ZNF582: variants seen among roughly 807,000 people sequenced by gnomAD.
ZNF582 encodes zinc finger protein 582.
In ZNF582, 14 loss-of-function variants were observed where a neutral mutation model predicts 12.3. The observed-to-expected ratio is 1.14, with a 90% CI of 0.75 to 1.78. ZNF582 has a LOEUF of 1.78. Ranked by LOEUF, ZNF582 falls within the 40% of genes most tolerant of loss-of-function variation. The probability of loss-of-function intolerance (pLI) is 0.00; values close to 1 mark genes in which losing one functional copy is unlikely to be tolerated. For missense variants in ZNF582, 567 were observed against 616.5 expected (o/e 0.92, Z 0.85); for synonymous variants, 210 against 207.2 (o/e 1.01, Z -0.11).
chr19:56,384,615 A>G (rs1433862186), exon 5 of ZNF582: 11 of 1,613,966 alleles, frequency 6.8e-6, no homozygotes, highest in Non-Finnish European at 9.3e-6. Flanking sequence ...ATCAACTGTG[A>G]GCTTCGACTA....
At chr19:56,392,291 C>G (rs1015463794) in intron 1 of ZNF582, among the ~76,000 whole-genome samples, 10 of 152,234 alleles carry the variant, frequency 6.6e-5, no homozygotes, top group Non-Finnish European at 1.2e-4. Context: ...TTTTCCCAAC[C>G]GCCAAATATA....
At chr19:56,384,403 G>C (rs536191647) in exon 5 of ZNF582, 1 of 1,602,624 alleles carries the variant, frequency 6.2e-7, no homozygotes, top group East Asian at 2.2e-5. Context: ...TACATTCATA[G>C]AGTTTCCTGC....
exon 5 of ZNF582, chr19:56,383,063 T>C (rs1043021011): frequency 3.9e-5 from 6 of 152,224 alleles, no homozygotes; most frequent in African/African-American, 1.2e-4. Context: ...CATACTGTGC[T>C]GCACAGGAGA....
exon 5 of ZNF582, chr19:56,384,142 A>G: frequency 6.2e-7 from 1 of 1,612,836 alleles, no homozygotes; most frequent in Admixed American, 1.7e-5. Context: ...CACATTCCTT[A>G]CATTCATATG....
rs759924482 is a variant in ZNF582 at position 56,390,362 on chromosome 19, G to A, written c.136+13C>T. Reference sequence around the variant, plus strand: ...AAGGATAACCTCCAAACTAACAGACGAGATCACCTTACCCAGTGAGACCAG... The same window carrying A: ...AAGGATAACCTCCAAACTAACAGACAAGATCACCTTACCCAGTGAGACCAG... On this transcript the variant is annotated intron_variant, in intron 3 of 4. Transcript: ENST00000586929. The A allele has an allele frequency of 8.1e-6, 13 of 1,613,910 alleles. No homozygotes were observed. The highest frequency in any genetic ancestry group is 7.7e-5 in the South Asian group (7 of 91,068).
exon 5 of ZNF582, chr19:56,384,640 A>G (rs537109706): frequency 6.2e-7 from 1 of 1,613,652 alleles, no homozygotes. Flanking sequence ...CCTTCTCACA[A>G]TCTTTACATT....
chr19:56,390,600 T>C lies in ZNF582; in HGVS notation c.10-99A>G. 4.4e-6 allele frequency: 6 copies of C among 1,376,404 alleles called. No individual in the cohort carries two copies. The South Asian group carries it at 7.7e-5, about 18-fold the overall frequency. The allele number at this position is 1,376,404 out of a possible 1,614,324, so 85.3% of individuals were successfully genotyped here. A position where few individuals can be genotyped will look rare whatever the true frequency, so the allele number is the denominator to read the frequency against. ...CTTTGCGGGAGGGGGGGTTGTTTTG[T>C]TGAACAAGAAGGGTGGGACTGAATG... On this transcript the variant is annotated intron_variant, in intron 2 of 4. Coordinates refer to ENST00000586929, the Ensembl canonical transcript of ZNF582.
At chr19:56,389,969 G>A (rs778033537) in intron 4 of ZNF582, 32 bp downstream of exon 4, 3 of 1,584,394 alleles carry the variant, frequency 1.9e-6, no homozygotes, top group Admixed American at 3.4e-5. Context: ...TACCTGCAGT[G>A]GCTGCTCCCT....
intron 4 of ZNF582, among the ~76,000 whole-genome samples, chr19:56,388,659 GTC>G (rs1182297351): frequency 7.2e-5 from 11 of 151,914 alleles, no homozygotes; most frequent in African/African-American, 2.7e-4. Flanking sequence ...TTGAGACAGA[GTC>G]TCTCTCTGTT....
exon 1 of ZNF582, chr19:56,393,234 C>T (rs985417078): frequency 6.4e-6 from 8 of 1,253,958 alleles, no homozygotes; most frequent in African/African-American, 6.3e-5. Flanking sequence ...GGGGTCCATG[C>T]ACCTGGGCTA....
intron 2 of ZNF582, 64 bp from the exon 3 acceptor site, chr19:56,390,565 T>C: frequency 1.3e-6 from 2 of 1,585,862 alleles, no homozygotes; most frequent in Non-Finnish European, 1.7e-6. Flanking sequence ...TGAAAGGAGA[T>C]GGGGCAGGTC....
intron 4 of ZNF582, among the ~76,000 whole-genome samples, chr19:56,389,377 G>A (rs1004358072): frequency 1.3e-5 from 2 of 152,122 alleles, no homozygotes; most frequent in Non-Finnish European, 2.9e-5. Context: ...CCTTTGCAGG[G>A]ACATGGATGG....
intron 4 of ZNF582, chr19:56,388,246 A>G (rs1297253924): frequency 4.6e-5 from 7 of 152,222 alleles, no homozygotes; most frequent in Non-Finnish European, 7.3e-5. Context: ...ATAATGGGTA[A>G]TAATCTGTTA....
At chr19:56,390,322 G>A in intron 3 of ZNF582, 53 bp downstream of exon 3, 1 of 1,611,730 alleles carries the variant, frequency 6.2e-7, no homozygotes, top group Non-Finnish European at 8.5e-7. Flanking sequence ...AAACTGACCA[G>A]GAAGGAACAT....
intron 1 of ZNF582, 40 bp downstream of exon 1, chr19:56,393,180 A>T (rs966093268): frequency 7.9e-7 from 1 of 1,264,420 alleles, no homozygotes; most frequent in Non-Finnish European, 1.0e-6. Context: ...AATGCAAAAC[A>T]TCCGCAATTT....
chr19:56,392,103 T>C (rs569887770), intron 1 of ZNF582, among the ~76,000 whole-genome samples: 11 of 152,334 alleles, frequency 7.2e-5, no homozygotes, highest in Non-Finnish European at 1.6e-4. Context: ...CTGAGGGCTG[T>C]TCTAGTGACT....
intron 4 of ZNF582, among the ~76,000 whole-genome samples, chr19:56,388,998 T>C (rs536839731): frequency 6.6e-6 from 1 of 152,300 alleles, no homozygotes; most frequent in South Asian, 2.1e-4. Flanking sequence ...TACCAAGGGC[T>C]CCCTGCTCAG....
Position 56,391,663 on chromosome 19 carries a change from G to C in ZNF582, c.9+81C>G, listed in dbSNP as rs112950069. On this transcript the variant is annotated intron_variant, in intron 2 of 4. Transcript: ENST00000586929. Reference sequence around the variant, plus strand: ...TTTATTCCCTAAAATGGGAAAGTCTGAGAACCAAATTTCTGGATGGAACCC... The same window carrying C: ...TTTATTCCCTAAAATGGGAAAGTCTCAGAACCAAATTTCTGGATGGAACCC... 726 of 1,347,360 alleles carry C rather than the reference G, an allele frequency of 5.4e-4. 1 individual carries two copies. In the African/African-American group the frequency reaches 8.8e-3, roughly 16 times the overall value. The allele number at this position is 1,347,360 out of a possible 1,614,324, so 83.5% of individuals were successfully genotyped here.
At chr19:56,384,059 T>C (rs2041940979) in exon 5 of ZNF582, 2 of 1,611,494 alleles carry the variant, frequency 1.2e-6, no homozygotes, top group African/African-American at 1.3e-5. Context: ...ACATTCCTTA[T>C]ATTCATAGGG....
Sources: allele counts gnomAD v4.1 joint callset (sites outside exome capture counted in the v4.1 genomes callset), GRCh38; gene constraint gnomAD v4.1.1; transcripts MANE v1.5; gene names NCBI Gene and HGNC (gene_info 2026-07-23, HGNC 2026-07-21).